DERA: variants seen among roughly 807,000 people sequenced by gnomAD.
DERA encodes the protein 2-deoxy-D-ribose 5-phosphate aldolase.
Under a neutral mutation model 41.1 loss-of-function variants are expected in DERA, and 15 were observed. The ratio of observed to expected loss-of-function variants is 0.37; its 90% confidence interval spans 0.24 to 0.56. DERA has a LOEUF of 0.56. Among genes scored for constraint, DERA ranks in the 20% least tolerant of loss-of-function variants. The pLI is 0.81. For synonymous variants in DERA, 139 were observed against 137.4 expected (o/e 1.01, Z -0.08); for missense variants, 396 against 403.4 (o/e 0.98, Z 0.16).
rs574859862 is a variant in DERA, at chr12:15,911,373, C to T, written c.-11C>T. The T allele has an allele frequency of 1.2e-4, 171 of 1,409,578 alleles. No individual in the cohort carries two copies. In the African/African-American group the frequency reaches 2.4e-3, roughly 20 times the overall value. 87.3% of individuals were successfully genotyped at this position (1,409,578 alleles called of 1,614,324 possible). A position where few individuals can be genotyped will look rare whatever the true frequency, so the allele number is the denominator to read the frequency against. On this transcript the variant is annotated 5_prime_UTR_variant, in exon 1 of 9. Transcript: ENST00000428559. The surrounding 1 kb of genome is among the most constrained non-coding windows in gnomAD (Gnocchi z 4.5). Reference sequence around the variant, plus strand: ...CGCCTACCAGCCGGCAGCTCCGGAGCTGCCCGCGCCATGTCCGCGCACAAT... The same window carrying T: ...CGCCTACCAGCCGGCAGCTCCGGAGTTGCCCGCGCCATGTCCGCGCACAAT...
intron 1 of DERA, among the ~76,000 whole-genome samples, chr12:15,949,731 A>G (rs960678595): frequency 2.0e-5 from 3 of 152,166 alleles, no homozygotes; most frequent in Admixed American, 1.3e-4. Context: ...GACAAGCCCC[A>G]GTGAGATGAA....
Position 15,928,563 on chromosome 12 carries a change from G to A in DERA, c.31+17149G>A, listed in dbSNP as rs1312352735. On this transcript the variant is annotated intron_variant, in intron 1 of 8. Coordinates refer to ENST00000428559, the MANE Select transcript of DERA (RefSeq NM_015954.4). This position sits in a 1 kb window ranked among gnomAD's most constrained non-coding sequence, Gnocchi z 4.6. ...TAACCCTTGAGTCATTGAGCCAGCT[G>A]ATGGCAAGGACAGCCCTTATGAAGT... is the stretch of plus-strand genomic sequence containing the variant. Among the ~76,000 whole-genome samples, 2 of 152,324 alleles carry A rather than the reference G, an allele frequency of 1.3e-5. No homozygotes were observed. The highest frequency in any genetic ancestry group is 3.9e-4 in the East Asian group (2 of 5,184).
In DERA at chr12:15,936,959, C is replaced by T. The variant is rs866410609; in HGVS notation, c.32-19977C>T. On this transcript the variant is annotated intron_variant, in intron 1 of 8. Coordinates refer to ENST00000428559, the MANE Select transcript of DERA (RefSeq NM_015954.4). This position sits in a 1 kb window ranked among gnomAD's most constrained non-coding sequence, Gnocchi z 4.6. ...TCTTGTCCTGTCCCGTCCTGTCCTG[C>T]CCTGCCCTGCCCTGTCTTGTCTTTC... Among the ~76,000 whole-genome samples, 2,952 of 139,618 alleles carry T rather than the reference C, an allele frequency of 0.021. 104 individuals are homozygous for T. The highest frequency in any genetic ancestry group is 0.084 in the African/African-American group (2,801 of 33,330). 91.6% of individuals were successfully genotyped at this position (139,618 alleles called of 152,430 possible). A position where few individuals can be genotyped will look rare whatever the true frequency, so the allele number is the denominator to read the frequency against.
intron 7 of DERA, 25 bp downstream of exon 7, chr12:16,032,679 C>A: frequency 2.2e-6 from 3 of 1,356,700 alleles, no homozygotes; most frequent in Non-Finnish European, 3.1e-6. Flanking sequence ...GCAAATCTTT[C>A]TTCAGAGTAA....
intron 1 of DERA, among the ~76,000 whole-genome samples, chr12:15,944,095 A>G (rs997119612): frequency 1.3e-5 from 2 of 151,992 alleles, no homozygotes; most frequent in Non-Finnish European, 2.9e-5. Context: ...TCCATGGTGT[A>G]TATGTGCCAC....
rs1464333461 is a variant in DERA, at chr12:16,036,556, G to T, written c.901-134G>T. 4.0e-6 allele frequency: 4 copies of T among 1,005,432 alleles called. No homozygotes were observed. In the East Asian group the frequency reaches 1.1e-4, roughly 27 times the overall value. 62.3% of individuals were successfully genotyped at this position (1,005,432 alleles called of 1,614,324 possible). On this transcript the variant is annotated intron_variant, in intron 8 of 8. Coordinates refer to ENST00000428559, the MANE Select transcript of DERA (RefSeq NM_015954.4). This position sits in a 1 kb window ranked among gnomAD's most constrained non-coding sequence, Gnocchi z 4.9. ...CAGAAGTGAGTAGGGTGGAGATTCTGCTGAAGCACATACTAGTGAGGCTTT... is the reference window on the plus strand; with the variant it reads ...CAGAAGTGAGTAGGGTGGAGATTCTTCTGAAGCACATACTAGTGAGGCTTT...
At chr12:15,926,652 C>T (rs1188301855) in intron 1 of DERA, among the ~76,000 whole-genome samples, 1 of 148,810 alleles carries the variant, frequency 6.7e-6, no homozygotes, top group Non-Finnish European at 1.5e-5. Context: ...AGGGGAATGG[C>T]GTGAACCCGG....
At chr12:15,979,587 C>T (rs1338612650) in intron 5 of DERA, among the ~76,000 whole-genome samples, 1 of 152,164 alleles carries the variant, frequency 6.6e-6, no homozygotes, top group Non-Finnish European at 1.5e-5. Context: ...GACAACTTTC[C>T]ACCTGTTGAA....
In DERA at chr12:15,940,332, T is replaced by C. The variant is rs1948399753; in HGVS notation, c.32-16604T>C. Among the ~76,000 whole-genome samples, 1 of 152,074 alleles carries C rather than the reference T, an allele frequency of 6.6e-6. No homozygotes were observed. Among genetic ancestry groups the C allele is most frequent in the South Asian group, 2.1e-4 (1 of 4,828 alleles). ...GCCAACAACTTAATAACTACTGCTT[T>C]CCTTTTTTTATTTTATTTTATTATT... is the stretch of plus-strand genomic sequence containing the variant. On this transcript the variant is annotated intron_variant, in intron 1 of 8. Coordinates refer to ENST00000428559, the MANE Select transcript of DERA (RefSeq NM_015954.4). The surrounding 1 kb of genome is among the most constrained non-coding windows in gnomAD (Gnocchi z 5.1).
chr12:15,996,123 A>AT lies in DERA; in HGVS notation c.637+13690dup, dbSNP rs1948835277. 6.6e-6 allele frequency among the ~76,000 whole-genome samples: 1 copy of AT among 150,682 alleles called. No individual in the cohort carries two copies. Among genetic ancestry groups the AT allele is most frequent in the Non-Finnish European group, 1.5e-5 (1 of 67,732 alleles). ...GTGATTCTATGCAGAAGAGAAAATT[A>AT]TTTCATATGCAGACACAGACACACA... On this transcript the variant is annotated intron_variant, in intron 6 of 8. Transcript: ENST00000428559. This position sits in a 1 kb window ranked among gnomAD's most constrained non-coding sequence, Gnocchi z 4.7.
intron 1 of DERA, among the ~76,000 whole-genome samples, chr12:15,926,563 C>G (rs58625897): frequency 0.014 from 2,127 of 151,800 alleles, 46 homozygotes; most frequent in African/African-American, 0.048. Flanking sequence ...GGTGAAACAG[C>G]GTCTCTACTA....
rs1592043243 is a variant in DERA, at chr12:15,999,523, G to A, written c.637+17087G>A. Among the ~76,000 whole-genome samples, 1 of 152,194 alleles carries A rather than the reference G, an allele frequency of 6.6e-6. No individual in the cohort carries two copies. Among genetic ancestry groups the A allele is most frequent in the East Asian group, 1.9e-4 (1 of 5,192 alleles). On this transcript the variant is annotated intron_variant, in intron 6 of 8. Transcript: ENST00000428559. The surrounding 1 kb of genome is among the most constrained non-coding windows in gnomAD (Gnocchi z 5.3). ...GGCATTTGTATAGAAGTTGTTAGGTGCAGATACAGAGAAAGGCATTTTGGG... is the reference window on the plus strand; with the variant it reads ...GGCATTTGTATAGAAGTTGTTAGGTACAGATACAGAGAAAGGCATTTTGGG...
intron 6 of DERA, among the ~76,000 whole-genome samples, chr12:16,006,375 A>G (rs997567545): frequency 1.3e-5 from 2 of 152,212 alleles, no homozygotes; most frequent in Non-Finnish European, 2.9e-5. Flanking sequence ...AGCTGGAAAA[A>G]AATAGCAGAA....
intron 5 of DERA, among the ~76,000 whole-genome samples, chr12:15,971,644 G>A (rs954626426): frequency 6.6e-6 from 1 of 151,518 alleles, no homozygotes; most frequent in African/African-American, 2.4e-5. Flanking sequence ...AGCGTCCCGA[G>A]TAGCTGGAAT....
chr12:16,031,381 C>T (rs900681846), intron 6 of DERA, among the ~76,000 whole-genome samples: 1 of 152,156 alleles, frequency 6.6e-6, no homozygotes, highest in Non-Finnish European at 1.5e-5. Flanking sequence ...TCTTTGACTT[C>T]GTTAATGGAC....
intron 1 of DERA, among the ~76,000 whole-genome samples, chr12:15,932,798 A>G (rs183182619): frequency 1.3e-5 from 2 of 152,312 alleles, no homozygotes; most frequent in East Asian, 3.9e-4. Flanking sequence ...CTTGAACTCA[A>G]TAGATCTTCT....
intron 7 of DERA, 116 bp downstream of exon 7, chr12:16,032,770 A>G: frequency 1.4e-6 from 1 of 691,536 alleles, no homozygotes; most frequent in Non-Finnish European, 2.5e-6. Flanking sequence ...TACCTTTATT[A>G]AGATAAATGT....
intron 1 of DERA, among the ~76,000 whole-genome samples, chr12:15,952,915 T>G (rs1168744689): frequency 4.6e-5 from 7 of 152,204 alleles, no homozygotes; most frequent in Non-Finnish European, 7.4e-5. Flanking sequence ...TCCGGTTTAT[T>G]TTTCCTGCAT....
rs1263130461 is a variant in DERA, at chr12:15,982,274, G to C, written c.509-34G>C. 6.3e-7 allele frequency: 1 copy of C among 1,598,840 alleles called. No homozygotes were observed. The highest frequency in any genetic ancestry group is 1.8e-5 in the Admixed American group (1 of 56,304). ...TGCCAAGTTATGTTATCACTTGCCT[G>C]CTTTGTAACTGCCTCAATTATTTTC... On this transcript the variant is annotated intron_variant, in intron 5 of 8. Coordinates refer to ENST00000428559, the MANE Select transcript of DERA (RefSeq NM_015954.4). This position sits in a 1 kb window ranked among gnomAD's most constrained non-coding sequence, Gnocchi z 4.0.
Sources: gnomAD v4.1 joint callset for allele counts (sites outside exome capture counted in the v4.1 genomes callset) on GRCh38, gnomAD v4.1.1 for gene constraint, Gnocchi (gnomAD v3.1) non-coding constraint, MANE v1.5 for transcripts, NCBI Gene and HGNC (gene_info 2026-07-23, HGNC 2026-07-21) for gene names.